MUSK: variants seen among roughly 807,000 people sequenced by gnomAD.
MUSK encodes muscle associated receptor tyrosine kinase.
In MUSK, 55 loss-of-function variants were observed where a neutral mutation model predicts 88.7. That is an observed-to-expected ratio of 0.62 (90% CI 0.50 to 0.78). The LOEUF is 0.78. Ranked by LOEUF, MUSK falls within the 30% of genes least tolerant of loss-of-function variation. The pLI, the probability that MUSK is intolerant of heterozygous loss-of-function variation, is 0.00. For missense variants in MUSK, 1,015 were observed against 1,074.3 expected (o/e 0.94, Z 0.77); for synonymous variants, 387 against 391.9 (o/e 0.99, Z 0.15).
intron 3 of MUSK, among the ~76,000 whole-genome samples, chr9:110,689,722 ATATATAGTTTATATATAATATTAT>A (rs2076276125): frequency 1.3e-5 from 1 of 77,326 alleles, no homozygotes; most frequent in African/African-American, 7.3e-5. Context: ...TATATATGTT[ATATATAGTTTATATATAATATTAT>A]ATATTATATA....
chr9:110,775,947 C>T lies in MUSK; in HGVS notation c.1344C>T (p.Ala448=). Residue 448 remains alanine (A), a synonymous_variant, in exon 10 of 15, where the codon GCC becomes GCT. Transcript: ENST00000374448. ...PSMHWDPTAC[A]RLPHLDYNKE... ...TGCATTGGGACCCCACGGCCTGTGC[C>T]AGACTGCCACATCTAGGTAACACAG... 6.2e-7 allele frequency: 1 copy of T among 1,612,934 alleles called. No homozygotes were observed. The highest frequency in any genetic ancestry group is 8.5e-7 in the Non-Finnish European group (1 of 1,179,212).
In MUSK at chr9:110,702,317, G is replaced by T. The variant is rs2076539583; in HGVS notation, c.628+4851G>T. Among the ~76,000 whole-genome samples, 4 of 152,030 alleles carry T rather than the reference G, an allele frequency of 2.6e-5. 1 individual carries two copies. In the South Asian group the frequency reaches 8.3e-4, roughly 32 times the overall value. ...CTCATCTCCATAACCTAGGAGATTGGTTTTAAGACCCTTAAAGGGGCAGGA... is the reference window on the plus strand; with the variant it reads ...CTCATCTCCATAACCTAGGAGATTGTTTTTAAGACCCTTAAAGGGGCAGGA... On this transcript the variant is annotated intron_variant, in intron 5 of 14. Transcript: ENST00000374448.
chr9:110,690,023 T>A (rs1363972981), intron 3 of MUSK, among the ~76,000 whole-genome samples: 1 of 95,784 alleles, frequency 1.0e-5, no homozygotes, highest in African/African-American at 4.3e-5. Flanking sequence ...ATATAATATA[T>A]ATTATATATT....
rs141793247 is a variant in MUSK at position 110,686,164 on chromosome 9, G to A, written c.207-953G>A. ...TTTCTTGCCTTTCCTAGCTTCTAGA[G>A]GCCACCTGCGTTCCTTGGCCCCCTA... On this transcript the variant is annotated intron_variant, in intron 2 of 14. Coordinates refer to ENST00000374448, the MANE Select transcript of MUSK (RefSeq NM_005592.4). Among the ~76,000 whole-genome samples, 627 of 152,136 alleles carry A rather than the reference G, an allele frequency of 4.1e-3. 8 individuals are homozygous for A. Among genetic ancestry groups the A allele is most frequent in the African/African-American group, 0.014 (581 of 41,504 alleles).
chr9:110,734,440 C>A, intron 6 of MUSK, 65 bp downstream of exon 6: 2 of 1,600,828 alleles, frequency 1.2e-6, no homozygotes, highest in South Asian at 1.1e-5. Context: ...TCAGGATAGA[C>A]CATATAGTTG....
intron 8 of MUSK, 68 bp downstream of exon 8, chr9:110,762,276 T>G (rs751798862): frequency 7.8e-7 from 1 of 1,281,558 alleles, no homozygotes; most frequent in Non-Finnish European, 1.0e-6. Context: ...TTGTTTGTTT[T>G]TGTCTGTGAG....
At chr9:110,694,568 T>A (rs73657642) in intron 3 of MUSK, among the ~76,000 whole-genome samples, 9,498 of 152,142 alleles carry the variant, frequency 0.062, 962 homozygotes, top group African/African-American at 0.22. Flanking sequence ...ACGGCACATG[T>A]CCTGCAAGAA....
At chr9:110,772,738 T>A (rs1254736279) in intron 9 of MUSK, among the ~76,000 whole-genome samples, 1 of 152,120 alleles carries the variant, frequency 6.6e-6, no homozygotes, top group African/African-American at 2.4e-5. Flanking sequence ...AATGTTTTCT[T>A]GCAATTCTGA....
intron 1 of MUSK, among the ~76,000 whole-genome samples, chr9:110,669,468 T>G (rs2075929397): frequency 6.6e-6 from 1 of 152,168 alleles, no homozygotes; most frequent in Non-Finnish European, 1.5e-5. Flanking sequence ...TGCTAAAAAT[T>G]GGAAATACAG....
At position 110,776,205 on chromosome 9, in the gene MUSK, C is replaced by T. The variant is rs1183584744; in HGVS notation, c.1360+242C>T. Among the ~76,000 whole-genome samples, 4 of 152,142 alleles carry T rather than the reference C, an allele frequency of 2.6e-5. No individual in the cohort carries two copies. The South Asian group carries it at 8.3e-4, about 31-fold the overall frequency. On this transcript the variant is annotated intron_variant, in intron 10 of 14. Transcript: ENST00000374448. ...AACAGCACTTTTAATTACTGCTTGACATTTTAGATTCTTTCATAGGGAATC... is the reference window on the plus strand; with the variant it reads ...AACAGCACTTTTAATTACTGCTTGATATTTTAGATTCTTTCATAGGGAATC...
intron 12 of MUSK, 116 bp from the exon 13 acceptor site, chr9:110,785,411 T>G (rs1317422722): frequency 1.1e-6 from 1 of 909,764 alleles, no homozygotes; most frequent in Non-Finnish European, 1.6e-6. Context: ...TTTGGCTGCC[T>G]TAGTATAACT....
rs1194166060 is a variant in MUSK at position 110,805,308 on chromosome 9, A to G, written c.*4320A>G. On this transcript the variant is annotated 3_prime_UTR_variant, in exon 15 of 15. Transcript: ENST00000374448. ...TTATTAACATGTACCTCTCCTAGTC[A>G]GATAAGACAGCCCATTTATTTCAGT... Among the ~76,000 whole-genome samples the G allele has an allele frequency of 1.3e-5, 2 of 151,954 alleles. No homozygotes were observed. Among genetic ancestry groups the G allele is most frequent in the Non-Finnish European group, 2.9e-5 (2 of 67,808 alleles).
At chr9:110,673,266 G>T (rs1166959171) in intron 1 of MUSK, among the ~76,000 whole-genome samples, 5 of 152,170 alleles carry the variant, frequency 3.3e-5, no homozygotes, top group Non-Finnish European at 7.3e-5. Context: ...CTTAGAGAAA[G>T]GAAGTATAAA....
intron 8 of MUSK, among the ~76,000 whole-genome samples, chr9:110,765,605 G>A (rs1007606814): frequency 2.0e-5 from 3 of 151,964 alleles, no homozygotes; most frequent in Non-Finnish European, 4.4e-5. Context: ...ACAGAGTCTC[G>A]CTCTGTCACC....
chr9:110,675,912 G>A (rs2076021445), intron 1 of MUSK, among the ~76,000 whole-genome samples: 2 of 151,754 alleles, frequency 1.3e-5, no homozygotes, highest in African/African-American at 4.8e-5. Context: ...ATTAACCTTT[G>A]GGCTCATTGT....
At chr9:110,746,299 G>T (rs1375601718) in intron 6 of MUSK, among the ~76,000 whole-genome samples, 1 of 152,046 alleles carries the variant, frequency 6.6e-6, no homozygotes, top group Non-Finnish European at 1.5e-5. Context: ...AGTGAAAAAA[G>T]AACCACCATT....
In MUSK at chr9:110,801,086, G is replaced by C; in HGVS notation, c.*98G>C. ...GGCCCAACAAGACCCACATAGGAAA[G>C]AGTAAGAGTAAACATGAGTAGTGTG... On this transcript the variant is annotated 3_prime_UTR_variant, in exon 15 of 15. Transcript: ENST00000374448. The C allele has an allele frequency of 1.8e-6, 2 of 1,090,536 alleles. No individual in the cohort carries two copies. Among genetic ancestry groups the C allele is most frequent in the South Asian group, 4.0e-5 (2 of 49,544 alleles). 67.6% of individuals were successfully genotyped at this position (1,090,536 alleles called of 1,614,324 possible). A position where few individuals can be genotyped will look rare whatever the true frequency, so the allele number is the denominator to read the frequency against.
intron 8 of MUSK, among the ~76,000 whole-genome samples, chr9:110,764,088 G>T (rs1588008379): frequency 6.6e-6 from 1 of 152,246 alleles, no homozygotes; most frequent in African/African-American, 2.4e-5. Flanking sequence ...GGCAAGAGAG[G>T]GACTGTTTCC....
At chr9:110,714,400 A>G (rs894822779) in intron 5 of MUSK, among the ~76,000 whole-genome samples, 1 of 152,160 alleles carries the variant, frequency 6.6e-6, no homozygotes, top group Non-Finnish European at 1.5e-5. Context: ...ATCCCACATC[A>G]TTGAGGCAGG....
Sources: allele counts gnomAD v4.1 joint callset (sites outside exome capture counted in the v4.1 genomes callset), GRCh38; gene constraint gnomAD v4.1.1; transcripts MANE v1.5; gene names NCBI Gene and HGNC (gene_info 2026-07-23, HGNC 2026-07-21).